Variants in SGK3 observed in about 807,000 individuals in gnomAD.
SGK3 encodes serum/glucocorticoid regulated kinase family member 3.
SGK3 carries 47 observed loss-of-function variants against 68.5 expected under a neutral mutation model. The observed-to-expected ratio is 0.69, with a 90% confidence interval of 0.54 to 0.87. The LOEUF (loss-of-function observed/expected upper bound fraction) is 0.87, where lower values mean the gene tolerates loss of function less well. SGK3 is among the 40% of genes least tolerant of loss of function. The pLI, the probability that SGK3 is intolerant of heterozygous loss-of-function variation, is 0.00. For synonymous variants in SGK3, 181 were observed against 189.1 expected (o/e 0.96, Z 0.35); for missense variants, 479 against 575.5 (o/e 0.83, Z 1.72).
At chr8:66,795,903 T>G (rs965079917) in intron 2 of SGK3, among the ~76,000 whole-genome samples, 1 of 152,194 alleles carries the variant, frequency 6.6e-6, no homozygotes, top group African/African-American at 2.4e-5. Flanking sequence ...TTGAGTAGAA[T>G]GCAAGGTTCT....
At chr8:66,785,793 A>C (rs571408503) in intron 1 of SGK3, among the ~76,000 whole-genome samples, 1 of 152,188 alleles carries the variant, frequency 6.6e-6, no homozygotes, top group Non-Finnish European at 1.5e-5. Flanking sequence ...TCATGAGTTG[A>C]AGAGTAAGTC....
chr8:66,821,029 A>C (rs1808791653), intron 5 of SGK3, among the ~76,000 whole-genome samples: 1 of 152,012 alleles, frequency 6.6e-6, no homozygotes, highest in South Asian at 2.1e-4. Context: ...TTTAAAAATA[A>C]TTTTTCATCT....
At chr8:66,778,984 G>A (rs1203340904) in intron 1 of SGK3, among the ~76,000 whole-genome samples, 2 of 152,032 alleles carry the variant, frequency 1.3e-5, no homozygotes, top group Non-Finnish European at 2.9e-5. Flanking sequence ...TCTTTGCTTT[G>A]TTTCTATACT....
intron 1 of SGK3, among the ~76,000 whole-genome samples, chr8:66,724,313 C>T (rs928344373): frequency 3.3e-5 from 5 of 152,156 alleles, no homozygotes; most frequent in African/African-American, 4.8e-5. Flanking sequence ...TAAGGCTGGG[C>T]GCGGCGGCTC....
intron 1 of SGK3, among the ~76,000 whole-genome samples, chr8:66,721,159 C>T (rs1424228644): frequency 6.6e-6 from 1 of 152,188 alleles, no homozygotes; most frequent in Non-Finnish European, 1.5e-5. Flanking sequence ...ATGCACACAG[C>T]TCCCTCTTCA....
intron 1 of SGK3, among the ~76,000 whole-genome samples, chr8:66,750,301 T>C (rs1180254264): frequency 3.3e-5 from 5 of 152,094 alleles, no homozygotes; most frequent in Non-Finnish European, 7.4e-5. Flanking sequence ...AAAATTCTTA[T>C]AACAATCTAA....
chr8:66,810,445 A>G (rs1808339307), intron 4 of SGK3, among the ~76,000 whole-genome samples: 1 of 152,248 alleles, frequency 6.6e-6, no homozygotes, highest in Non-Finnish European at 1.5e-5. Flanking sequence ...TCACGCCTGT[A>G]ATCCCAACAC....
intron 1 of SGK3, among the ~76,000 whole-genome samples, chr8:66,772,274 G>A (rs1806534200): frequency 6.8e-6 from 1 of 147,920 alleles, no homozygotes; most frequent in South Asian, 2.2e-4. Context: ...TTTTTATAGA[G>A]ACGGAGTCTC....
chr8:66,812,361 A>G (rs1354132443), intron 4 of SGK3, among the ~76,000 whole-genome samples: 1 of 151,946 alleles, frequency 6.6e-6, no homozygotes, highest in African/African-American at 2.4e-5. Context: ...GTTCAAGACC[A>G]GCCTGGCTAA....
At chr8:66,828,127 A>C (rs1398641090) in intron 6 of SGK3, among the ~76,000 whole-genome samples, 1 of 149,234 alleles carries the variant, frequency 6.7e-6, no homozygotes, top group Admixed American at 6.7e-5. Flanking sequence ...CCGTCTCAGA[A>C]AAAAAAAAAA....
rs571861799 is a variant in SGK3, at chr8:66,754,629, G to T, written c.-121-38987G>T. On this transcript the variant is annotated intron_variant, in intron 1 of 16. Coordinates refer to ENST00000521198, the MANE Select transcript of SGK3 (RefSeq NM_001033578.3). ...GTTTCATATACACCTTATGCACACAGTCTGAAGGTCATTTTATACAATATT... is the reference window on the plus strand; with the variant it reads ...GTTTCATATACACCTTATGCACACATTCTGAAGGTCATTTTATACAATATT... Among the ~76,000 whole-genome samples the T allele has an allele frequency of 1.1e-4, 17 of 152,358 alleles. No homozygotes were observed. The South Asian group carries it at 3.1e-3, about 28-fold the overall frequency.
chr8:66,792,610 G>A (rs1161829507), intron 1 of SGK3, among the ~76,000 whole-genome samples: 1 of 152,124 alleles, frequency 6.6e-6, no homozygotes, highest in Non-Finnish European at 1.5e-5. Flanking sequence ...TGGGTGCGGT[G>A]GCTCATGCCT....
rs141971919 is a variant in SGK3 at position 66,728,484 on chromosome 8, G to A, written c.-122+15651G>A. ...TGGGATTATAGGTACCCACCATCAC[G>A]CCCAGCTAATTTTTGTATTTTTAGT... On this transcript the variant is annotated intron_variant, in intron 1 of 16. Transcript: ENST00000521198. 4.6e-5 allele frequency among the ~76,000 whole-genome samples: 7 copies of A among 151,944 alleles called. No homozygotes were observed. The South Asian group carries it at 8.3e-4, about 18-fold the overall frequency.
At chr8:66,783,520 ATTTTTATTTTTG>A (rs1807075887) in intron 1 of SGK3, among the ~76,000 whole-genome samples, 1 of 151,452 alleles carries the variant, frequency 6.6e-6, no homozygotes, top group Admixed American at 6.6e-5. Context: ...GTTTATTTTT[ATTTTTATTTTTG>A]TTTTTTAAGA....
Position 66,859,391 on chromosome 8 carries a change from C to T in SGK3, c.1321-20C>T, listed in dbSNP as rs750810399. The T allele has an allele frequency of 1.3e-6, 2 of 1,578,466 alleles. No homozygotes were observed. Among genetic ancestry groups the T allele is most frequent in the East Asian group, 4.5e-5 (2 of 44,408 alleles). On this transcript the variant is annotated intron_variant, in intron 16 of 16. Transcript: ENST00000521198. Reference sequence around the variant, plus strand: ...GAAAGAAAAGCTAAGGTGAATAATACTGTGCTTTTGATGTTTTAGGCTGGA... The same window carrying T: ...GAAAGAAAAGCTAAGGTGAATAATATTGTGCTTTTGATGTTTTAGGCTGGA...
At chr8:66,760,336 T>C (rs111514849) in intron 1 of SGK3, among the ~76,000 whole-genome samples, 46 of 111,342 alleles carry the variant, frequency 4.1e-4, no homozygotes, top group Admixed American at 2.4e-3. Flanking sequence ...TTTTCTTTTT[T>C]TTTTTTTTTT....
At chr8:66,767,289 C>T in intron 1 of SGK3, 5 of 697,970 alleles carry the variant, frequency 7.2e-6, no homozygotes, top group Non-Finnish European at 1.2e-5. Context: ...CCTGTTTTTC[C>T]TTTTAATGGT....
chr8:66,838,781 G>C (rs1400236620), intron 10 of SGK3, among the ~76,000 whole-genome samples: 1 of 152,136 alleles, frequency 6.6e-6, no homozygotes, highest in Non-Finnish European at 1.5e-5. Flanking sequence ...AAGATGAGGA[G>C]AAAGGATAGG....
intron 7 of SGK3, among the ~76,000 whole-genome samples, chr8:66,829,412 C>T (rs1039127809): frequency 5.9e-5 from 9 of 152,106 alleles, no homozygotes; most frequent in African/African-American, 1.7e-4. Flanking sequence ...CCAAGGACTG[C>T]GTCCTGGTAC....
Sources: gnomAD v4.1 joint callset for allele counts (sites outside exome capture counted in the v4.1 genomes callset) on GRCh38, gnomAD v4.1.1 for gene constraint, MANE v1.5 for transcripts, NCBI Gene and HGNC (gene_info 2026-07-23, HGNC 2026-07-21) for gene names.